Variants in DAB2IP observed in about 807,000 individuals in gnomAD.
DAB2IP encodes DAB2 interacting protein, also known as disabled homolog 2-interacting protein.
A neutral mutation model predicts 107.2 loss-of-function variants in DAB2IP; 28 were observed. That is an observed-to-expected ratio of 0.26 (90% CI 0.19 to 0.36). The LOEUF is 0.36. DAB2IP is among the 10% of genes least tolerant of loss of function. The pLI is 1.00. For missense variants in DAB2IP, 1,400 were observed against 1,644.7 expected (o/e 0.85, Z 2.57); for synonymous variants, 755 against 706.4 (o/e 1.07, Z -1.09).
intron 1 of DAB2IP, among the ~76,000 whole-genome samples, chr9:121,592,577 T>G (rs1246712415): frequency 1.3e-5 from 2 of 152,222 alleles, no homozygotes; most frequent in Non-Finnish European, 2.9e-5. Context: ...GTTGTTCTTT[T>G]CCAGTGACCA....
intron 3 of DAB2IP, among the ~76,000 whole-genome samples, chr9:121,742,304 C>T (rs1250190924): frequency 6.6e-6 from 1 of 152,230 alleles, no homozygotes; most frequent in Non-Finnish European, 1.5e-5. Context: ...TGGCCCATGC[C>T]TGTAATCCTA....
At chr9:121,761,790 G>A (rs1176942190) in intron 6 of DAB2IP, among the ~76,000 whole-genome samples, 4 of 152,220 alleles carry the variant, frequency 2.6e-5, no homozygotes, top group Non-Finnish European at 5.9e-5. Flanking sequence ...CAACACTGGG[G>A]ACGTATGCTG....
chr9:121,733,309 C>T lies in DAB2IP; in HGVS notation c.363-23704C>T, dbSNP rs970363273. Among the ~76,000 whole-genome samples, 28 of 152,252 alleles carry T rather than the reference C, an allele frequency of 1.8e-4. 1 individual carries two copies. The highest frequency in any genetic ancestry group is 2.9e-5 in the Non-Finnish European group (2 of 68,050). On this transcript the variant is annotated intron_variant, in intron 3 of 15. Transcript: ENST00000408936. ...TAGAAAGAAGAGATGTCTCCTCTCC[C>T]AGGATGCATGCATCTCTCCCCACGG... is the stretch of plus-strand genomic sequence containing the variant.
At chr9:121,664,463 C>T (rs1258775512) in intron 1 of DAB2IP, among the ~76,000 whole-genome samples, 1 of 152,212 alleles carries the variant, frequency 6.6e-6, no homozygotes, top group East Asian at 1.9e-4. Context: ...ATTACGTTGA[C>T]TCTATGGATC....
At chr9:121,677,396 C>T (rs1275400801) in intron 1 of DAB2IP, among the ~76,000 whole-genome samples, 1 of 152,018 alleles carries the variant, frequency 6.6e-6, no homozygotes, top group East Asian at 1.9e-4. Context: ...TTGGGGTGTG[C>T]CTGTGGTCCC....
chr9:121,730,079 C>T (rs889106386), intron 3 of DAB2IP, among the ~76,000 whole-genome samples: 1 of 152,128 alleles, frequency 6.6e-6, no homozygotes, highest in African/African-American at 2.4e-5. Context: ...ATCCTCATCT[C>T]CACGCTTTGT....
At chr9:121,783,645 G>T (rs532393254) in exon 16 of DAB2IP, 9 of 1,462,130 alleles carry the variant, frequency 6.2e-6, no homozygotes, top group Non-Finnish European at 7.7e-6. Flanking sequence ...TGTTAGACTT[G>T]CTCCCTCTCC....
At chr9:121,664,980 G>C (rs1462517995) in intron 1 of DAB2IP, among the ~76,000 whole-genome samples, 1 of 152,042 alleles carries the variant, frequency 6.6e-6, no homozygotes, top group Non-Finnish European at 1.5e-5. Flanking sequence ...ATTACACAAA[G>C]GACTGAAATT....
intron 3 of DAB2IP, among the ~76,000 whole-genome samples, chr9:121,725,627 G>A (rs1236677806): frequency 6.6e-6 from 1 of 152,232 alleles, no homozygotes; most frequent in Non-Finnish European, 1.5e-5. Context: ...GGGTCTGTGC[G>A]TGAACAGAGA....
Position 121,776,424 on chromosome 9 carries a change from G to T in DAB2IP, c.3314+33G>T. 6.7e-7 allele frequency: 1 copy of T among 1,482,238 alleles called. No homozygotes were observed. Among genetic ancestry groups the T allele is most frequent in the Non-Finnish European group, 9.0e-7 (1 of 1,116,874 alleles). The allele number at this position is 1,482,238 out of a possible 1,614,324, so 91.8% of individuals were successfully genotyped here. ...CCACACCTGCCTGGCCTGGCCACAG[G>T]CACAGGCAGGGCAGCCATCGCTGCC... On this transcript the variant is annotated intron_variant, in intron 14 of 15. Coordinates refer to ENST00000408936, the Ensembl canonical transcript of DAB2IP. The surrounding 1 kb of genome is among the most constrained non-coding windows in gnomAD (Gnocchi z 5.4).
rs1023128530 is a variant in DAB2IP at position 121,635,287 on chromosome 9, A to G, written c.41-43391A>G. On this transcript the variant is annotated intron_variant, in intron 1 of 16. Transcript: ENST00000259371. The surrounding 1 kb of genome is among the most constrained non-coding windows in gnomAD (Gnocchi z 4.3). ...CTGGTAGGGCACTTCAGAAATTTCCAGGCTCTTTCAGACCCCCCACAAACT... is the reference window on the plus strand; with the variant it reads ...CTGGTAGGGCACTTCAGAAATTTCCGGGCTCTTTCAGACCCCCCACAAACT... Among the ~76,000 whole-genome samples the G allele has an allele frequency of 1.3e-5, 2 of 152,220 alleles. No individual in the cohort carries two copies. The highest frequency in any genetic ancestry group is 1.3e-4 in the Admixed American group (2 of 15,288).
At chr9:121,617,796 G>T (rs1831330434) in intron 1 of DAB2IP, among the ~76,000 whole-genome samples, 1 of 152,228 alleles carries the variant, frequency 6.6e-6, no homozygotes. Flanking sequence ...GCTGGTCCAG[G>T]ATTCCTGTGA....
rs1831973333 is a variant in DAB2IP, at chr9:121,633,601, G to C, written c.41-45077G>C. On this transcript the variant is annotated intron_variant, in intron 1 of 16. Coordinates refer to the DAB2IP transcript ENST00000259371. The surrounding 1 kb of genome is among the most constrained non-coding windows in gnomAD (Gnocchi z 5.1). ...GAACTCGAGGAGACTCTTTTCATTA[G>C]GCTTTTAAGACCTGGCAGGCTCTAT... 6.6e-6 allele frequency among the ~76,000 whole-genome samples: 1 copy of C among 152,206 alleles called. No individual in the cohort carries two copies. The highest frequency in any genetic ancestry group is 1.9e-4 in the East Asian group (1 of 5,198).
chr9:121,748,623 G>A (rs917086882), intron 3 of DAB2IP, among the ~76,000 whole-genome samples: 4 of 152,230 alleles, frequency 2.6e-5, no homozygotes, highest in African/African-American at 9.6e-5. Context: ...TTGGGAGAAG[G>A]CCATGAGATG....
At position 121,773,406 on chromosome 9, in the gene DAB2IP, T is replaced by C. The variant is rs980565001; in HGVS notation, c.2878T>C (p.Trp960Arg). 4 of 1,589,028 alleles carry C rather than the reference T, an allele frequency of 2.5e-6. No individual in the cohort carries two copies. The African/African-American group carries it at 5.4e-5, about 21-fold the overall frequency. Residue 960 changes from tryptophan to arginine, a missense_variant, in exon 12 of 16, where the codon TGG (tryptophan) becomes CGG (arginine). Coordinates refer to ENST00000408936, the Ensembl canonical transcript of DAB2IP. ...AACCCTGGCGTCGGCCTCACCTGATTGGGTGGGCCCCAGTACCCGCCTGAG... is the reference window on the plus strand; with the variant it reads ...AACCCTGGCGTCGGCCTCACCTGATCGGGTGGGCCCCAGTACCCGCCTGAG...
chr9:121,722,763 C>G (rs1362948968), intron 3 of DAB2IP, among the ~76,000 whole-genome samples: 1 of 152,062 alleles, frequency 6.6e-6, no homozygotes, highest in Non-Finnish European at 1.5e-5. Flanking sequence ...ATCCTTTGAG[C>G]CCAGGAGTTT....
upstream of DAB2IP, among the ~76,000 whole-genome samples, chr9:121,647,678 G>A (rs1039985502): frequency 1.3e-5 from 2 of 152,252 alleles, no homozygotes; most frequent in Middle Eastern, 3.4e-3. Flanking sequence ...AGCCAGGAGG[G>A]GGGTGTCTCT....
chr9:121,755,249 C>T (rs538927052), intron 3 of DAB2IP, among the ~76,000 whole-genome samples: 1 of 152,046 alleles, frequency 6.6e-6, no homozygotes, highest in Non-Finnish European at 1.5e-5. Context: ...GGTGGTGTGG[C>T]GGTGTGGCGT....
At chr9:121,571,345 G>C (rs1288066896) in intron 1 of DAB2IP, among the ~76,000 whole-genome samples, 7 of 152,196 alleles carry the variant, frequency 4.6e-5, no homozygotes, top group Non-Finnish European at 1.5e-5. Context: ...TCCAACAAAT[G>C]CTTGTTGAAT....
Sources: allele counts gnomAD v4.1 joint callset (sites outside exome capture counted in the v4.1 genomes callset), GRCh38; gene constraint gnomAD v4.1.1; non-coding constraint Gnocchi (gnomAD v3.1); transcripts MANE v1.5; gene names NCBI Gene and HGNC (gene_info 2026-07-23, HGNC 2026-07-21).